Variants in USP7 observed in about 807,000 individuals in gnomAD.
The protein encoded by USP7 is ubiquitin C-terminal hydrolase 7.
USP7 carries 9 observed loss-of-function variants against 162.9 expected under a neutral mutation model. That is an observed-to-expected ratio of 0.06 (90% CI 0.03 to 0.10). The LOEUF is 0.10. Among genes scored for constraint, USP7 ranks in the 10% least tolerant of loss-of-function variants. The pLI is 1.00. For synonymous variants in USP7, 562 were observed against 475.9 expected (o/e 1.18, Z -2.35); for missense variants, 715 against 1,373.7 (o/e 0.52, Z 7.58).
chr16:8,947,967 A>T (rs1899363600), intron 1 of USP7, among the ~76,000 whole-genome samples: 1 of 152,070 alleles, frequency 6.6e-6, no homozygotes. Flanking sequence ...AGGCTCCATT[A>T]CTGCCCTGGA....
Position 8,902,117 on chromosome 16 carries a change from G to C in USP7, c.2012C>G (p.Ala671Gly), listed in dbSNP as rs1275260301. The C allele has an allele frequency of 6.2e-7, 1 of 1,614,108 alleles. No homozygotes were observed. Among genetic ancestry groups the C allele is most frequent in the Admixed American group, 1.7e-5 (1 of 60,020 alleles). Residue 671 changes from alanine to glycine, a missense_variant, in exon 18 of 31, where the codon GCT becomes GGT. Ala to Gly is a moderately conservative substitution (Grantham distance 60). This residue lies in a region of USP7 where 197 missense variants were observed against 306.5 expected (regional missense o/e 0.64). Transcript: ENST00000344836. ...FLETVDPELA[A>G]SGATLPKFDK... ...AAACTTGGGTAAGGTCGCTCCACTA[G>C]CAGCCAGCTCGGGATCAACTGTTTC...
chr16:8,896,673 T>C (rs1184337383), intron 26 of USP7, among the ~76,000 whole-genome samples: 1 of 152,194 alleles, frequency 6.6e-6, no homozygotes, highest in Non-Finnish European at 1.5e-5. Flanking sequence ...TTGGCTTTTC[T>C]ATGGGAACTG....
At chr16:8,921,103 G>T in intron 4 of USP7, 54 bp downstream of exon 4, 2 of 1,546,890 alleles carry the variant, frequency 1.3e-6, no homozygotes, top group Non-Finnish European at 1.7e-6. Context: ...AAAAGTTAAG[G>T]GAACAACAAG....
intron 1 of USP7, among the ~76,000 whole-genome samples, chr16:8,950,852 G>A (rs1193746421): frequency 3.3e-5 from 5 of 152,162 alleles, no homozygotes; most frequent in Admixed American, 1.3e-4. Flanking sequence ...TTGTTTCTGC[G>A]CACACAGTCA....
chr16:8,923,233 T>C lies in USP7; in HGVS notation c.365A>G (p.Asn122Ser). The C allele has an allele frequency of 5.1e-6, 2 of 393,988 alleles. No individual in the cohort carries two copies. Among genetic ancestry groups the C allele is most frequent in the Non-Finnish European group, 3.7e-6 (1 of 270,808 alleles). The allele number at this position is 393,988 out of a possible 1,614,324, so 24.4% of individuals were successfully genotyped here. A position where few individuals can be genotyped will look rare whatever the true frequency, so the allele number is the denominator to read the frequency against. ...GTCTTACGTGGAATCAGATTCAGCA[T>C]TGCACTGGAGAAAGAATCCTACGCT... ...QKSVGFFLQC[N>S]AESDSTSWSC... The change falls in exon 3 of 31, where the codon AAT (asparagine) becomes AGT (serine). Residue 122 changes from asparagine to serine, a missense_variant. By Grantham distance (46) the Asn-to-Ser change is conservative. Around this residue, in one of 11 missense-constraint regions of USP7, gnomAD observed 35 missense variants for 101.0 expected, o/e 0.35. Coordinates refer to ENST00000344836, the MANE Select transcript of USP7 (RefSeq NM_003470.3).
chr16:8,915,430 C>G lies in USP7; in HGVS notation c.987+15G>C, dbSNP rs199651618. 146 of 1,613,704 alleles carry G rather than the reference C, an allele frequency of 9.0e-5. 1 individual carries two copies. The East Asian group carries it at 2.5e-3, about 27-fold the overall frequency. ...AACCTTTAAAAATCATCTTTTAGAACTGGTAGCCACATACCACCATTTTGC... is the reference window on the plus strand; with the variant it reads ...AACCTTTAAAAATCATCTTTTAGAAGTGGTAGCCACATACCACCATTTTGC... On this transcript the variant is annotated intron_variant, in intron 9 of 30. Transcript: ENST00000344836.
intron 2 of USP7, among the ~76,000 whole-genome samples, chr16:8,925,882 C>A (rs183347084): frequency 1.3e-5 from 2 of 152,220 alleles, no homozygotes; most frequent in African/African-American, 4.8e-5. Context: ...AGGCCAGGTG[C>A]GGTGGCTCAC....
intron 2 of USP7, among the ~76,000 whole-genome samples, 166 bp from the exon 3 acceptor site, chr16:8,923,579 A>C (rs1475759835): frequency 6.6e-6 from 1 of 152,234 alleles, no homozygotes; most frequent in African/African-American, 2.4e-5. Flanking sequence ...CTGAGATAAC[A>C]TACAGTTTCT....
chr16:8,912,157 C>A (rs1303378142), intron 10 of USP7, among the ~76,000 whole-genome samples: 1 of 152,178 alleles, frequency 6.6e-6, no homozygotes, highest in African/African-American at 2.4e-5. Flanking sequence ...AGTTACCAAG[C>A]ATGTGAACCA....
At position 8,963,361 on chromosome 16, in the gene USP7, G is replaced by GGGCGGCGGC. The variant is rs920151583; in HGVS notation, c.-85_-77dup. 2.7e-5 allele frequency: 12 copies of GGGCGGCGGC among 448,256 alleles called. No individual in the cohort carries two copies. Among genetic ancestry groups the GGGCGGCGGC allele is most frequent in the East Asian group, 1.6e-4 (1 of 6,178 alleles). The allele number at this position is 448,256 out of a possible 1,614,324, so 27.8% of individuals were successfully genotyped here. The stretch of plus-strand genomic sequence containing the variant: ...CCGGCGGGCGGGCGGCGGCGAGCCG[G>GGGCGGCGGC]GGCGGCGGCGGCGGCGGCGGCGGCG... On this transcript the variant is annotated 5_prime_UTR_variant, in exon 1 of 31. Coordinates refer to ENST00000344836, the MANE Select transcript of USP7 (RefSeq NM_003470.3).
chr16:8,934,840 C>T (rs1443792820), intron 1 of USP7, among the ~76,000 whole-genome samples: 5 of 152,182 alleles, frequency 3.3e-5, no homozygotes, highest in Admixed American at 2.6e-4. Context: ...AAGCAGCCAC[C>T]AAGGTGATTC....
At chr16:8,941,770 T>G (rs1416668880) in intron 1 of USP7, among the ~76,000 whole-genome samples, 1 of 152,090 alleles carries the variant, frequency 6.6e-6, no homozygotes, top group Non-Finnish European at 1.5e-5. Flanking sequence ...TCTCCCCAGG[T>G]GTGAGACCAC....
At chr16:8,899,919 C>T in intron 21 of USP7, 162 bp from the exon 22 acceptor site, 3 of 826,048 alleles carry the variant, frequency 3.6e-6, no homozygotes, top group Non-Finnish European at 5.8e-6. Context: ...TGAGCTCCCT[C>T]TGTAAGCGAG....
intron 1 of USP7, chr16:8,949,566 G>T (rs1466333919): frequency 6.6e-6 from 1 of 152,184 alleles, no homozygotes; most frequent in South Asian, 2.1e-4. Flanking sequence ...CCAAATCCCC[G>T]AGCTCAAGTC....
rs549345669 is a variant in USP7 at position 8,940,986 on chromosome 16, C to A, written c.80-10589G>T. On this transcript the variant is annotated intron_variant, in intron 1 of 30. Transcript: ENST00000344836. ...TAGCAGGACAGAATTCTCTCTCCTC[C>A]CACTCCAGGACCCTTCTTCTCGTCC... is the stretch of plus-strand genomic sequence containing the variant. Among the ~76,000 whole-genome samples the A allele has an allele frequency of 3.9e-5, 6 of 152,218 alleles. No individual in the cohort carries two copies. The East Asian group carries it at 9.6e-4, about 24-fold the overall frequency.
intron 2 of USP7, chr16:8,929,271 A>C (rs546335582): frequency 3.0e-6 from 1 of 337,584 alleles, no homozygotes; most frequent in Admixed American, 4.1e-5. Flanking sequence ...CAAAAGCCCA[A>C]CAACCAGCGA....
intron 14 of USP7, among the ~76,000 whole-genome samples, chr16:8,904,887 GC>G (rs1437973907): frequency 4.6e-5 from 7 of 152,158 alleles, no homozygotes; most frequent in South Asian, 4.1e-4. Context: ...CAGGAGAGTG[GC>G]GAGAACCCGG....
chr16:8,908,543 TCTGGAGA>T (rs772392719), intron 11 of USP7, 93 bp from the exon 12 acceptor site: 1 of 960,126 alleles, frequency 1.0e-6, no homozygotes, highest in Non-Finnish European at 1.6e-6. Flanking sequence ...TTGGAACATG[TCTGGAGA>T]CTCTGGAGAC....
chr16:8,902,616 G>T, intron 16 of USP7, 134 bp from the exon 17 acceptor site: 1 of 780,204 alleles, frequency 1.3e-6, no homozygotes, highest in Non-Finnish European at 1.9e-6. Flanking sequence ...TAGGCCAGGT[G>T]CTGTGGCTCT....
Sources: gnomAD v4.1 joint callset for allele counts (sites outside exome capture counted in the v4.1 genomes callset) on GRCh38, gnomAD v4.1.1 for gene constraint, gnomAD v4.1.1 regional missense constraint, MANE v1.5 for transcripts, NCBI Gene and HGNC (gene_info 2026-07-23, HGNC 2026-07-21) for gene names.